The following TFCP2L1 variants were observed in gnomAD, a reference collection of about 807,000 sequenced individuals.
The protein encoded by TFCP2L1 is transcription factor CP2-like protein 1.
A neutral mutation model predicts 72.2 loss-of-function variants in TFCP2L1; 12 were observed. The ratio of observed to expected loss-of-function variants is 0.17; its 90% CI spans 0.11 to 0.27. The LOEUF is 0.27. Ranked by LOEUF, TFCP2L1 falls within the 10% of genes least tolerant of loss-of-function variation. The pLI, the probability that TFCP2L1 is intolerant of heterozygous loss-of-function variation, is 1.00. For synonymous variants in TFCP2L1, 260 were observed against 251.0 expected, an observed-to-expected ratio of 1.04 and a Z score of -0.34; for missense variants, 488 against 624.6, an observed-to-expected ratio of 0.78 and a Z score of 2.33.
intron 1 of TFCP2L1, among the ~76,000 whole-genome samples, chr2:121,283,140 G>A (rs2104775986): frequency 6.6e-6 from 1 of 152,254 alleles, no homozygotes; most frequent in South Asian, 2.1e-4. Flanking sequence ...GGTGGGCAGA[G>A]GAAGTTAAGA....
chr2:121,230,658 A>G (rs1686122816), intron 13 of TFCP2L1, among the ~76,000 whole-genome samples: 1 of 151,936 alleles, frequency 6.6e-6, no homozygotes. Context: ...CTGTAGTTCC[A>G]GCTACTTAGG....
intron 4 of TFCP2L1, among the ~76,000 whole-genome samples, chr2:121,248,504 G>A (rs1207156300): frequency 1.3e-5 from 2 of 152,164 alleles, no homozygotes; most frequent in African/African-American, 2.4e-5. Flanking sequence ...AAATATGACC[G>A]TGCTTGGCTG....
intron 13 of TFCP2L1, among the ~76,000 whole-genome samples, chr2:121,227,762 C>T (rs981095819): frequency 2.7e-5 from 4 of 149,526 alleles, no homozygotes; most frequent in African/African-American, 7.4e-5. Flanking sequence ...CTAGCTAACA[C>T]AATAGCAAAA....
intron 6 of TFCP2L1, 114 bp downstream of exon 6, chr2:121,246,704 G>A: frequency 7.3e-7 from 1 of 1,365,712 alleles, no homozygotes; most frequent in Non-Finnish European, 1.0e-6. Context: ...GTGCTAAAGG[G>A]ATGCTGCGTT....
chr2:121,238,517 A>C (rs1350717702), intron 8 of TFCP2L1, among the ~76,000 whole-genome samples: 2 of 152,196 alleles, frequency 1.3e-5, no homozygotes, highest in African/African-American at 2.4e-5. Flanking sequence ...ACCAGACTGC[A>C]CACTTAAAAA....
chr2:121,263,226 A>C (rs563748822), intron 2 of TFCP2L1, among the ~76,000 whole-genome samples: 1 of 152,276 alleles, frequency 6.6e-6, no homozygotes. Flanking sequence ...ATGAGCCACC[A>C]TGTCTGGCCC....
chr2:121,240,301 G>A, intron 7 of TFCP2L1: 1 of 985,366 alleles, frequency 1.0e-6, no homozygotes, highest in Non-Finnish European at 1.2e-6. Flanking sequence ...ACAAATGCAT[G>A]TGGAGTCTCC....
chr2:121,255,278 C>T (rs1354799447), intron 2 of TFCP2L1, among the ~76,000 whole-genome samples: 1 of 152,158 alleles, frequency 6.6e-6, no homozygotes, highest in African/African-American at 2.4e-5. Context: ...CTGTTTGTTT[C>T]CTACGTTCTT....
At chr2:121,245,368 C>A (rs1418028284) in intron 6 of TFCP2L1, among the ~76,000 whole-genome samples, 2 of 152,194 alleles carry the variant, frequency 1.3e-5, no homozygotes, top group Non-Finnish European at 2.9e-5. Context: ...ACTGCCAGCA[C>A]TGGAAGATAA....
At chr2:121,247,300 T>C (rs1399635185) in intron 5 of TFCP2L1, among the ~76,000 whole-genome samples, 1 of 152,098 alleles carries the variant, frequency 6.6e-6, no homozygotes, top group Non-Finnish European at 1.5e-5. Context: ...TGGCAAATCC[T>C]AGACTGAGGG....
chr2:121,276,546 TC>T (rs1246353437), intron 2 of TFCP2L1, among the ~76,000 whole-genome samples: 1 of 149,334 alleles, frequency 6.7e-6, no homozygotes, highest in African/African-American at 2.5e-5. Flanking sequence ...GGTAGGAGGA[TC>T]CCCTGAGCCC....
intron 2 of TFCP2L1, among the ~76,000 whole-genome samples, chr2:121,256,759 A>G (rs1198521258): frequency 6.6e-6 from 1 of 151,842 alleles, no homozygotes; most frequent in Admixed American, 6.6e-5. Flanking sequence ...TGGGGCGACA[A>G]GAGCGAAACT....
intron 5 of TFCP2L1, 48 bp downstream of exon 5, chr2:121,248,115 AC>A (rs1183740425): frequency 1.9e-6 from 3 of 1,553,744 alleles, no homozygotes; most frequent in African/African-American, 2.7e-5. Flanking sequence ...CACGCAGGCC[AC>A]CCCAAAGACT....
chr2:121,225,443 C>G, intron 14 of TFCP2L1, 119 bp downstream of exon 14: 1 of 983,250 alleles, frequency 1.0e-6, no homozygotes, highest in East Asian at 2.4e-5. Context: ...AGAGTTTGTG[C>G]TTTCTTTTTC....
At chr2:121,251,391 C>T (rs993281726) in intron 2 of TFCP2L1, among the ~76,000 whole-genome samples, 16 of 152,118 alleles carry the variant, frequency 1.1e-4, no homozygotes, top group African/African-American at 3.6e-4. Context: ...TTGCATGTTC[C>T]CTCTCTCTTT....
intron 13 of TFCP2L1, among the ~76,000 whole-genome samples, chr2:121,228,346 A>G (rs1686072648): frequency 6.6e-6 from 1 of 152,070 alleles, no homozygotes; most frequent in Admixed American, 6.5e-5. Flanking sequence ...GCCTTCGGTG[A>G]CACTACAGCT....
chr2:121,256,832 T>G (rs1467256901), intron 2 of TFCP2L1, among the ~76,000 whole-genome samples: 1 of 152,022 alleles, frequency 6.6e-6, no homozygotes, highest in African/African-American at 2.4e-5. Context: ...GGTGGGTGCC[T>G]GTAATCCCAG....
At chr2:121,271,898 G>C (rs1380866751) in intron 2 of TFCP2L1, among the ~76,000 whole-genome samples, 2 of 152,134 alleles carry the variant, frequency 1.3e-5, no homozygotes, top group Non-Finnish European at 2.9e-5. Flanking sequence ...CAGGAGGGTT[G>C]GGGGTAGGGT....
intron 2 of TFCP2L1, 138 bp from the exon 3 acceptor site, chr2:121,249,785 C>T (rs1198976602): frequency 1.2e-6 from 1 of 800,498 alleles, no homozygotes; most frequent in African/African-American, 1.7e-5. Context: ...GAAGAAAACC[C>T]ACGACCAGCT....
Sources: gnomAD v4.1 joint callset for allele counts (sites outside exome capture counted in the v4.1 genomes callset) on GRCh38, gnomAD v4.1.1 for gene constraint, MANE v1.5 for transcripts, NCBI Gene and HGNC (gene_info 2026-07-23, HGNC 2026-07-21) for gene names.